IMPG2: variants seen among roughly 807,000 people sequenced by gnomAD.
IMPG2 encodes IPM 200.
Under a neutral mutation model 129.2 loss-of-function variants are expected in IMPG2, and 91 were observed. The ratio of observed to expected loss-of-function variants is 0.70; its 90% CI spans 0.59 to 0.84. IMPG2 has a LOEUF of 0.84. Ranked by LOEUF, IMPG2 falls within the 40% of genes least tolerant of loss-of-function variation. The probability of loss-of-function intolerance (pLI) is 0.00; values close to 1 mark genes in which losing one functional copy is unlikely to be tolerated. For missense variants in IMPG2, 1,430 were observed against 1,461.7 expected, an observed-to-expected ratio of 0.98 and a Z score of 0.35; for synonymous variants, 510 against 517.7, an observed-to-expected ratio of 0.99 and a Z score of 0.20.
chr3:101,247,961 G>C (rs889544913), intron 11 of IMPG2, among the ~76,000 whole-genome samples: 1 of 152,192 alleles, frequency 6.6e-6, no homozygotes, highest in Admixed American at 6.5e-5. Context: ...CCTCCTCCAG[G>C]AGACTTCTAT....
chr3:101,251,503 C>T (rs1017767245), intron 11 of IMPG2, among the ~76,000 whole-genome samples: 7 of 152,102 alleles, frequency 4.6e-5, no homozygotes, highest in African/African-American at 1.7e-4. Flanking sequence ...TAGATGTTCC[C>T]GTAGTAACAA....
chr3:101,228,716 G>C, intron 18 of IMPG2, 81 bp downstream of exon 18: 1 of 1,084,250 alleles, frequency 9.2e-7, no homozygotes, highest in East Asian at 2.4e-5. Context: ...AGGAAATTAT[G>C]TGCTCACTCA....
Position 101,231,164 on chromosome 3 carries a change from A to G in IMPG2, c.3234-19T>C, listed in dbSNP as rs1361247277. On this transcript the variant is annotated intron_variant, in intron 15 of 18. Coordinates refer to ENST00000193391, the MANE Select transcript of IMPG2 (RefSeq NM_016247.4). ...CCGGCACCTGCAACCAACAGTCACC[A>G]AGTCCGATATCTGAATCACTCTGCT... is the stretch of plus-strand genomic sequence containing the variant. The G allele has an allele frequency of 6.2e-7, 1 of 1,612,858 alleles. No individual in the cohort carries two copies. Among genetic ancestry groups the G allele is most frequent in the Non-Finnish European group, 8.5e-7 (1 of 1,179,104 alleles).
intron 2 of IMPG2, among the ~76,000 whole-genome samples, chr3:101,316,305 G>T (rs2058784952): frequency 6.6e-6 from 1 of 151,884 alleles, no homozygotes; most frequent in East Asian, 1.9e-4. Flanking sequence ...ACATCATCAA[G>T]AAAATAGAAA....
intron 13 of IMPG2, among the ~76,000 whole-genome samples, 165 bp downstream of exon 13, chr3:101,243,364 G>C (rs534163934): frequency 6.6e-6 from 1 of 152,258 alleles, no homozygotes; most frequent in South Asian, 2.1e-4. Flanking sequence ...ATGTCTTACT[G>C]TTTTCTTACC....
At chr3:101,258,472 C>T (rs1706636816) in intron 9 of IMPG2, among the ~76,000 whole-genome samples, 1 of 152,078 alleles carries the variant, frequency 6.6e-6, no homozygotes, top group South Asian at 2.1e-4. Context: ...TTTTACCACC[C>T]TCCAGGGCAT....
chr3:101,302,777 T>C (rs911267168), intron 3 of IMPG2, among the ~76,000 whole-genome samples: 10 of 152,154 alleles, frequency 6.6e-5, no homozygotes, highest in Admixed American at 2.0e-4. Flanking sequence ...ACACATGCAA[T>C]ACGTTTCATT....
intron 4 of IMPG2, among the ~76,000 whole-genome samples, chr3:101,290,474 A>C (rs538903551): frequency 8.2e-4 from 125 of 152,238 alleles, no homozygotes; most frequent in Non-Finnish European, 4.7e-4. Context: ...ATGCCACTGC[A>C]CTCCAGCCTG....
intron 2 of IMPG2, among the ~76,000 whole-genome samples, chr3:101,307,457 C>A (rs901670356): frequency 1.3e-5 from 2 of 152,080 alleles, no homozygotes; most frequent in Non-Finnish European, 2.9e-5. Flanking sequence ...GTGGGGAGGC[C>A]TCAGGAAACT....
chr3:101,315,398 G>C (rs2058779980), intron 2 of IMPG2, among the ~76,000 whole-genome samples: 1 of 152,144 alleles, frequency 6.6e-6, no homozygotes, highest in African/African-American at 2.4e-5. Flanking sequence ...CAGGGACGAT[G>C]ATGATGCCAA....
rs749433456 is a variant in IMPG2 at position 101,229,495 on chromosome 3, T to C, written c.3518A>G (p.Tyr1173Cys). Residue 1173 changes from tyrosine (Y) to cysteine (C), a missense_variant, in exon 17 of 19, where the codon TAT becomes TGT. Tyr to Cys is a radical substitution (Grantham distance 194, BLOSUM62 -2). Coordinates refer to ENST00000193391, the MANE Select transcript of IMPG2 (RefSeq NM_016247.4). ...YESHRAGCEK[Y>C]EGPYPQHPFY... Reference sequence around the variant, plus strand: ...GGGATGCTGAGGATAGGGTCCCTCATACTTCTCACATCCAGCCCTGTGACT... The same window carrying C: ...GGGATGCTGAGGATAGGGTCCCTCACACTTCTCACATCCAGCCCTGTGACT... The C allele has an allele frequency of 3.7e-6, 6 of 1,613,616 alleles. No homozygotes were observed. In the African/African-American group the frequency reaches 4.0e-5, roughly 11 times the overall value.
chr3:101,277,293 C>T (rs1393019469), intron 4 of IMPG2, among the ~76,000 whole-genome samples: 1 of 152,166 alleles, frequency 6.6e-6, no homozygotes, highest in Non-Finnish European at 1.5e-5. Flanking sequence ...CTAATATATT[C>T]CTGCTGTATT....
At chr3:101,267,999 G>T (rs1366513213) in intron 8 of IMPG2, among the ~76,000 whole-genome samples, 1 of 152,118 alleles carries the variant, frequency 6.6e-6, no homozygotes, top group Non-Finnish European at 1.5e-5. Flanking sequence ...TGTAGCAGAT[G>T]CTTAAATAGA....
intron 4 of IMPG2, among the ~76,000 whole-genome samples, chr3:101,291,005 A>G (rs1332460212): frequency 6.6e-6 from 1 of 152,168 alleles, no homozygotes; most frequent in Non-Finnish European, 1.5e-5. Context: ...GCCAGAAACG[A>G]CCTTAGCTCT....
At chr3:101,230,873 T>C (rs1706277648) in intron 16 of IMPG2, 84 bp downstream of exon 16, 2 of 1,235,258 alleles carry the variant, frequency 1.6e-6, no homozygotes, top group Non-Finnish European at 2.4e-6. Flanking sequence ...CAGCTCCTTG[T>C]CCAATATTTG....
At chr3:101,273,360 C>A (rs539310649) in intron 7 of IMPG2, among the ~76,000 whole-genome samples, 1 of 152,240 alleles carries the variant, frequency 6.6e-6, no homozygotes, top group African/African-American at 2.4e-5. Context: ...TTGGAAATTG[C>A]ATTTATTTTT....
At position 101,273,719 on chromosome 3, in the gene IMPG2, C is replaced by A. The variant is rs1430896824; in HGVS notation, c.690G>T (p.Val230=). The change falls in exon 7 of 19, where the codon GTG becomes GTT. Residue 230 remains valine (V), a synonymous_variant. Transcript: ENST00000193391. ...CTGCTGGTTTTGTGGCTTCTTCTAT[C>A]ACATTCTCAATTTCATTGCTAATCT... is the stretch of plus-strand genomic sequence containing the variant. ...EESISNEIEN[V]IEEATKPAGE... The A allele has an allele frequency of 6.2e-7, 1 of 1,614,112 alleles. No individual in the cohort carries two copies. The highest frequency in any genetic ancestry group is 2.2e-5 in the East Asian group (1 of 44,874).
intron 3 of IMPG2, among the ~76,000 whole-genome samples, chr3:101,294,712 G>A (rs1230370902): frequency 6.6e-6 from 1 of 152,236 alleles, no homozygotes; most frequent in African/African-American, 2.4e-5. Context: ...CCCACCAGCA[G>A]TGTAAAAGCA....
At chr3:101,312,692 G>A (rs779397465) in intron 2 of IMPG2, among the ~76,000 whole-genome samples, 1 of 151,874 alleles carries the variant, frequency 6.6e-6, no homozygotes, top group African/African-American at 2.4e-5. Flanking sequence ...TGCAAACAAT[G>A]TAAATGCCCA....
Sources: allele counts gnomAD v4.1 joint callset (sites outside exome capture counted in the v4.1 genomes callset), GRCh38; gene constraint gnomAD v4.1.1; transcripts MANE v1.5; gene names NCBI Gene and HGNC (gene_info 2026-07-23, HGNC 2026-07-21).